CYP2W1: variants seen among roughly 807,000 people sequenced by gnomAD.
CYP2W1 encodes cytochrome P450 family 2 subfamily W member 1.
Under a neutral mutation model 44.9 loss-of-function variants are expected in CYP2W1, and 51 were observed. The observed-to-expected ratio is 1.14, with a 90% CI of 0.91 to 1.43. CYP2W1 has a LOEUF of 1.43. Among genes scored for constraint, CYP2W1 ranks in the 40% most tolerant of loss-of-function variants. The pLI, the probability that CYP2W1 is intolerant of heterozygous loss-of-function variation, is 0.00. For missense variants in CYP2W1, 746 were observed against 700.0 expected (o/e 1.07, Z -0.74); for synonymous variants, 383 against 338.3 (o/e 1.13, Z -1.45).
intron 7 of CYP2W1, 149 bp downstream of exon 7, chr7:987,680 C>T: frequency 1.2e-6 from 1 of 823,702 alleles, no homozygotes; most frequent in Non-Finnish European, 1.8e-6. Context: ...CAGCCAGGAG[C>T]AGGAGGGAGG....
rs767954997 is a variant in CYP2W1, at chr7:988,371, C to T, written c.1238C>T (p.Ala413Val). The T allele has an allele frequency of 1.2e-5, 19 of 1,612,582 alleles. No individual in the cohort carries two copies. The highest frequency in any genetic ancestry group is 3.3e-5 in the Admixed American group (2 of 59,980). Residue 413 changes from alanine to valine, a missense_variant, in exon 8 of 9, where the codon GCG (alanine) becomes GTG (valine). Ala to Val is a moderately conservative substitution (Grantham distance 64). Coordinates refer to ENST00000308919, the MANE Select transcript of CYP2W1 (RefSeq NM_017781.3). ...GQFNPGHFLD[A>V]NGHFVKREAF... ...TTCAACCCCGGCCATTTCCTGGACG[C>T]GAATGGGCACTTTGTGAAGCGGGAG...
intron 4 of CYP2W1, among the ~76,000 whole-genome samples, chr7:985,983 C>A (rs557785946): frequency 6.6e-6 from 1 of 152,116 alleles, no homozygotes; most frequent in Non-Finnish European, 1.5e-5. Context: ...GTGAGACCAC[C>A]CTGCCTGCTG....
intron 4 of CYP2W1, among the ~76,000 whole-genome samples, chr7:985,600 G>A (rs1187435352): frequency 6.6e-6 from 1 of 152,146 alleles, no homozygotes; most frequent in African/African-American, 2.4e-5. Context: ...GAGGTGGGAG[G>A]CAGGCATGGC....
In CYP2W1 at chr7:986,734, G is replaced by A. The variant is rs780366475; in HGVS notation, c.756G>A (p.Arg252=). The A allele has an allele frequency of 3.1e-6, 5 of 1,609,962 alleles. No homozygotes were observed. The South Asian group carries it at 5.5e-5, about 18-fold the overall frequency. ...TGAGGACCCTCCTGGAGGCGCGGAG[G>A]CCCCACGTGTGCCCGGGGGACCCCG... ...AILRTLLEAR[R]PHVCPGDPVC... is the part of the protein sequence containing the mutation. The change falls in exon 5 of 9, where the codon AGG becomes AGA. Residue 252 remains arginine (R), a synonymous_variant. Transcript: ENST00000308919.
chr7:988,273 A>C lies in CYP2W1; in HGVS notation c.1144-4A>C. ...CTCTCTCTGTGCCCCGGCTGCCCCC[A>C]CAGGGCACGCCCGTGATTCCCCTGC... On this transcript the variant is annotated splice_region_variant and splice_polypyrimidine_tract_variant and intron_variant, in intron 7 of 8. Transcript: ENST00000308919. 6.4e-7 allele frequency: 1 copy of C among 1,574,596 alleles called. No individual in the cohort carries two copies. Among genetic ancestry groups the C allele is most frequent in the South Asian group, 1.2e-5 (1 of 86,636 alleles).
rs377096714 is a variant in CYP2W1 at position 987,423 on chromosome 7, C to T, written c.1035C>T (p.Pro345=). 2 of 1,593,424 alleles carry T rather than the reference C, an allele frequency of 1.3e-6. No individual in the cohort carries two copies. Among genetic ancestry groups the T allele is most frequent in the Non-Finnish European group, 1.7e-6 (2 of 1,177,522 alleles). ...GGCTGGAGGACCAGCAGGCTCTGCC[C>T]TACACAAGCGCCGTGCTCCACGAGG... ...TPRLEDQQAL[P]YTSAVLHEVQ... The change falls in exon 7 of 9, where the codon CCC becomes CCT. Residue 345 remains proline (P), a synonymous_variant. Transcript: ENST00000308919.
At position 983,340 on chromosome 7, in the gene CYP2W1, C is replaced by T; in HGVS notation, c.129C>T (p.Asn43=). The part of the protein sequence containing the change: ...PGPRPLPLVG[N]LHLLRLSQQD... ...CTCGCCCGCTGCCGCTCGTCGGGAA[C>T]CTGCACTTGCTGCGTCTGTCGCAAC... The change falls in exon 1 of 9, where the codon AAC becomes AAT. Residue 43 remains asparagine, a synonymous_variant. Coordinates refer to ENST00000308919, the MANE Select transcript of CYP2W1 (RefSeq NM_017781.3). 2 of 1,538,596 alleles carry T rather than the reference C, an allele frequency of 1.3e-6. No individual in the cohort carries two copies. Among genetic ancestry groups the T allele is most frequent in the African/African-American group, 2.7e-5 (2 of 72,922 alleles).
intron 4 of CYP2W1, 181 bp from the exon 5 acceptor site, chr7:986,443 G>A: frequency 3.0e-6 from 2 of 675,684 alleles, no homozygotes; most frequent in Non-Finnish European, 5.0e-6. Flanking sequence ...CGGACAGGGG[G>A]TTTCCTGGCA....
chr7:987,027 G>A, intron 5 of CYP2W1, 80 bp from the exon 6 acceptor site: 2 of 1,412,542 alleles, frequency 1.4e-6, no homozygotes, highest in South Asian at 3.0e-5. Flanking sequence ...ATCCATAGTG[G>A]AGCCCAGGGC....
Position 983,259 on chromosome 7 carries a change from G to C in CYP2W1, c.48G>C (p.Gly16=). ...TCCTGGGCCTCCTGGGGCTCTGGGG[G>C]CTGCTCTGCGCCTGCGCCCAAGACC... ...LLFLGLLGLW[G]LLCACAQDPS... is the part of the protein sequence containing the mutation. Residue 16 remains glycine, a synonymous_variant, in exon 1 of 9, where the codon GGG becomes GGC. Transcript: ENST00000308919. The C allele has an allele frequency of 6.5e-7, 1 of 1,539,070 alleles. No homozygotes were observed. Among genetic ancestry groups the C allele is most frequent in the Non-Finnish European group, 8.8e-7 (1 of 1,141,244 alleles).
At chr7:986,908 T>G in intron 5 of CYP2W1, 111 bp downstream of exon 5, 1 of 1,343,714 alleles carries the variant, frequency 7.4e-7, no homozygotes, top group Non-Finnish European at 9.8e-7. Flanking sequence ...GCTCCCTACC[T>G]CCTGGCTGGG....
At chr7:986,095 C>A (rs1848321151) in intron 4 of CYP2W1, among the ~76,000 whole-genome samples, 1 of 152,206 alleles carries the variant, frequency 6.6e-6, no homozygotes, top group Non-Finnish European at 1.5e-5. Context: ...CTGGCCTTCC[C>A]TGCTGGTGCC....
chr7:986,894 C>G, intron 5 of CYP2W1, 97 bp downstream of exon 5: 1 of 1,374,698 alleles, frequency 7.3e-7, no homozygotes, highest in Non-Finnish European at 9.6e-7. Context: ...CGGTCCTGCA[C>G]CAAGCTCCCT....
chr7:983,182 G>A lies in CYP2W1; in HGVS notation c.-30G>A. On this transcript the variant is annotated 5_prime_UTR_variant, in exon 1 of 9. Coordinates refer to ENST00000308919, the MANE Select transcript of CYP2W1 (RefSeq NM_017781.3). ...GGTGCGGGGGGGACGGGGCCCAGGA[G>A]GGGAGTGGAGCCTCACCAGCCACGT... 8.9e-6 allele frequency: 13 copies of A among 1,455,450 alleles called. No homozygotes were observed. The highest frequency in any genetic ancestry group is 1.2e-5 in the Non-Finnish European group (13 of 1,094,990). The allele number at this position is 1,455,450 out of a possible 1,614,324, so 90.2% of individuals were successfully genotyped here.
intron 7 of CYP2W1, among the ~76,000 whole-genome samples, chr7:987,818 G>T (rs1848486965): frequency 6.6e-6 from 1 of 151,722 alleles, no homozygotes; most frequent in Admixed American, 6.6e-5. Context: ...GATCCCCTCG[G>T]TGTGTCCTGG....
intron 5 of CYP2W1, 65 bp from the exon 6 acceptor site, chr7:987,042 C>A: frequency 1.4e-6 from 2 of 1,433,222 alleles, no homozygotes; most frequent in Non-Finnish European, 1.8e-6. Context: ...CAGGGCTGGG[C>A]TGGGTCTGTG....
Position 988,438 on chromosome 7 carries a change from GGGGT to G in CYP2W1, c.1285+24_1285+27del. 2 of 1,611,752 alleles carry G rather than the reference GGGGT, an allele frequency of 1.2e-6. No homozygotes were observed. The highest frequency in any genetic ancestry group is 2.7e-5 in the African/African-American group (2 of 75,006). ...CTGCAGGTCAGCAGCCCTCGGGGCC[GGGGT>G]GGGGCGGCACCTCCAGGGCTCCAGG... On this transcript the variant is annotated intron_variant, in intron 8 of 8. Coordinates refer to ENST00000308919, the MANE Select transcript of CYP2W1 (RefSeq NM_017781.3).
In CYP2W1 at chr7:988,494, C is replaced by T. The variant is rs111380875; in HGVS notation, c.1285+76C>T. The T allele has an allele frequency of 9.2e-5, 147 of 1,600,842 alleles. 2 individuals are homozygous for T. The highest frequency in any genetic ancestry group is 4.7e-4 in the African/African-American group (35 of 74,900). On this transcript the variant is annotated intron_variant, in intron 8 of 8. Coordinates refer to ENST00000308919, the MANE Select transcript of CYP2W1 (RefSeq NM_017781.3). ...GTGGGACGGCCCCAGCTCCGCCTGC[C>T]GCCTCTGCACCCACCTCCTGATCTC...
rs775304607 is a variant in CYP2W1, at chr7:988,409, T to C, written c.1276T>C (p.Phe426Leu). Residue 426 changes from phenylalanine to leucine, a missense_variant, in exon 8 of 9, where the codon TTC becomes CTC. Phe to Leu is a conservative substitution (Grantham distance 22). Transcript: ENST00000308919. Reference sequence around the variant, plus strand: ...TGTGAAGCGGGAGGCCTTCCTGCCTTTCTCTGCAGGTCAGCAGCCCTCGGG... The same window carrying C: ...TGTGAAGCGGGAGGCCTTCCTGCCTCTCTCTGCAGGTCAGCAGCCCTCGGG... ...HFVKREAFLP[F>L]SAGRRVCVGE... 2.5e-6 allele frequency: 4 copies of C among 1,612,548 alleles called. No homozygotes were observed. In the South Asian group the frequency reaches 4.4e-5, roughly 18 times the overall value.
Sources: allele counts gnomAD v4.1 joint callset (sites outside exome capture counted in the v4.1 genomes callset), GRCh38; gene constraint gnomAD v4.1.1; transcripts MANE v1.5; gene names NCBI Gene and HGNC (gene_info 2026-07-23, HGNC 2026-07-21).